PTPRK: variants seen among roughly 807,000 people sequenced by gnomAD.
The protein encoded by PTPRK is protein tyrosine phosphatase receptor type K.
In PTPRK, 75 loss-of-function variants were observed where a neutral mutation model predicts 178.0. The ratio of observed to expected loss-of-function variants is 0.42; its 90% confidence interval spans 0.35 to 0.51. PTPRK has a LOEUF of 0.51. Ranked by LOEUF, PTPRK falls within the 20% of genes least tolerant of loss-of-function variation. The pLI, the probability that PTPRK is intolerant of heterozygous loss-of-function variation, is 0.02. For missense variants in PTPRK, 1,441 were observed against 1,797.8 expected (o/e 0.80, Z 3.59); for synonymous variants, 637 against 620.6 (o/e 1.03, Z -0.39).
chr6:128,155,800 T>G (rs1797869596), intron 7 of PTPRK, among the ~76,000 whole-genome samples: 1 of 151,852 alleles, frequency 6.6e-6, no homozygotes, highest in Non-Finnish European at 1.5e-5. Flanking sequence ...TTCCTTATTT[T>G]CTAGTGTTAT....
chr6:128,016,395 C>T (rs751148516), intron 13 of PTPRK, among the ~76,000 whole-genome samples: 1 of 151,814 alleles, frequency 6.6e-6, no homozygotes, highest in Non-Finnish European at 1.5e-5. Flanking sequence ...TGTCCCTTAT[C>T]TTCGGAAAGA....
intron 14 of PTPRK, chr6:128,008,007 G>A (rs748626441): frequency 1.3e-5 from 16 of 1,263,026 alleles, no homozygotes; most frequent in East Asian, 4.9e-5. Flanking sequence ...GGGAAAGCAC[G>A]TATGTAGCTA....
At chr6:128,501,293 T>C (rs1303821896) in intron 1 of PTPRK, 2 of 152,124 alleles carry the variant, frequency 1.3e-5, no homozygotes, top group South Asian at 4.1e-4. Context: ...ATATAAGATA[T>C]ACAAAGAGAA....
At chr6:128,332,718 A>T (rs1383328538) in intron 2 of PTPRK, among the ~76,000 whole-genome samples, 1 of 151,828 alleles carries the variant, frequency 6.6e-6, no homozygotes, top group Non-Finnish European at 1.5e-5. Flanking sequence ...TCCCTTCACA[A>T]CTCTACCTAT....
At chr6:128,035,699 G>A (rs192834609) in intron 13 of PTPRK, among the ~76,000 whole-genome samples, 240 of 152,304 alleles carry the variant, frequency 1.6e-3, no homozygotes, top group African/African-American at 5.4e-3. Context: ...GATATTGAAG[G>A]TAAAGTTCTA....
At chr6:128,342,600 TC>T (rs1235474733) in intron 2 of PTPRK, among the ~76,000 whole-genome samples, 1 of 151,998 alleles carries the variant, frequency 6.6e-6, no homozygotes, top group African/African-American at 2.4e-5. Flanking sequence ...TATACCTCTG[TC>T]CCATCACCAC....
chr6:128,246,027 A>G (rs1488975015), intron 3 of PTPRK, among the ~76,000 whole-genome samples: 1 of 152,234 alleles, frequency 6.6e-6, no homozygotes, highest in African/African-American at 2.4e-5. Flanking sequence ...AGCAGCATAT[A>G]GAAAGGTGCT....
intron 3 of PTPRK, among the ~76,000 whole-genome samples, chr6:128,244,692 C>T (rs1208852791): frequency 1.3e-5 from 2 of 152,114 alleles, no homozygotes; most frequent in Non-Finnish European, 2.9e-5. Flanking sequence ...GAGTATCTGC[C>T]AATTCTGAGA....
At chr6:128,031,904 TG>T (rs1775401861) in intron 13 of PTPRK, among the ~76,000 whole-genome samples, 1 of 152,132 alleles carries the variant, frequency 6.6e-6, no homozygotes, top group Non-Finnish European at 1.5e-5. Flanking sequence ...CTCAATCTCA[TG>T]TCCTGTCTTT....
intron 1 of PTPRK, among the ~76,000 whole-genome samples, chr6:128,433,826 GTT>G (rs563277558): frequency 9.3e-5 from 12 of 129,330 alleles, no homozygotes; most frequent in Non-Finnish European, 1.7e-4. Flanking sequence ...CTCTAACACT[GTT>G]TTTTTTTTTT....
chr6:128,426,962 A>C (rs1288290637), intron 1 of PTPRK, among the ~76,000 whole-genome samples: 1 of 152,204 alleles, frequency 6.6e-6, no homozygotes, highest in Non-Finnish European at 1.5e-5. Flanking sequence ...CACAGCCAAC[A>C]CTGCAACTGG....
At chr6:128,013,195 G>A (rs1423707887) in intron 13 of PTPRK, among the ~76,000 whole-genome samples, 1 of 151,250 alleles carries the variant, frequency 6.6e-6, no homozygotes, top group East Asian at 1.9e-4. Context: ...AGTTTTCTGA[G>A]GACTCTGGTC....
At chr6:128,281,557 C>T (rs1213192573) in intron 3 of PTPRK, among the ~76,000 whole-genome samples, 1 of 152,112 alleles carries the variant, frequency 6.6e-6, no homozygotes, top group Non-Finnish European at 1.5e-5. Context: ...TCCAAGAACA[C>T]CCCTATGCCT....
rs557117474 is a variant in PTPRK at position 128,150,751 on chromosome 6, AT to A, written c.1162+33680del. On this transcript the variant is annotated intron_variant, in intron 7 of 29. Transcript: ENST00000368226. The stretch of plus-strand genomic sequence containing the variant: ...TACTGAAGAAGGGAAGGGCAACGCT[AT>A]GAAAAAGACAGATTTAATGTCAAAT... Among the ~76,000 whole-genome samples the A allele has an allele frequency of 9.2e-5, 14 of 152,266 alleles. No individual in the cohort carries two copies. The East Asian group carries it at 2.5e-3, about 27-fold the overall frequency.
chr6:127,983,455 T>A lies in PTPRK; in HGVS notation c.3252-78A>T, dbSNP rs897850486. On this transcript the variant is annotated intron_variant, in intron 22 of 29. Coordinates refer to ENST00000368226, the MANE Select transcript of PTPRK (RefSeq NM_002844.4). ...CCTTAAATAAGGACTTTTTCCACTGTCAGATAGGTAGAATCAAATTGATTT... is the reference window on the plus strand; with the variant it reads ...CCTTAAATAAGGACTTTTTCCACTGACAGATAGGTAGAATCAAATTGATTT... 3.4e-6 allele frequency: 5 copies of A among 1,463,964 alleles called. No individual in the cohort carries two copies. The African/African-American group carries it at 7.0e-5, about 21-fold the overall frequency. 90.7% of individuals were successfully genotyped at this position (1,463,964 alleles called of 1,614,324 possible). A position where few individuals can be genotyped will look rare whatever the true frequency, so the allele number is the denominator to read the frequency against.
chr6:128,414,348 G>A lies in PTPRK; in HGVS notation c.101-16660C>T, dbSNP rs377561720. Among the ~76,000 whole-genome samples the A allele has an allele frequency of 4.7e-4, 72 of 152,194 alleles. No homozygotes were observed. In the South Asian group the frequency reaches 0.015, roughly 31 times the overall value. ...GTAAATGATGAGCGTCTCCATCGCG[G>A]GACCCCTTCTTCCTAGTGCGGCAGT... On this transcript the variant is annotated intron_variant, in intron 1 of 29. Transcript: ENST00000368226.
At chr6:128,288,859 G>A (rs557920567) in intron 3 of PTPRK, among the ~76,000 whole-genome samples, 1 of 151,946 alleles carries the variant, frequency 6.6e-6, no homozygotes, top group Non-Finnish European at 1.5e-5. Flanking sequence ...TACCACTTTA[G>A]CACTTTTAAA....
intron 1 of PTPRK, among the ~76,000 whole-genome samples, chr6:128,473,809 A>G: frequency 6.6e-6 from 1 of 152,084 alleles, no homozygotes; most frequent in Non-Finnish European, 1.5e-5. Context: ...TAAAGCTACT[A>G]CTGGGTTAAA....
intron 3 of PTPRK, among the ~76,000 whole-genome samples, chr6:128,268,417 C>A (rs1035969538): frequency 3.3e-5 from 5 of 151,830 alleles, no homozygotes; most frequent in Non-Finnish European, 7.4e-5. Flanking sequence ...ACATAAAATG[C>A]AGAAAAAGTG....
Sources: gnomAD v4.1 joint callset for allele counts (sites outside exome capture counted in the v4.1 genomes callset) on GRCh38, gnomAD v4.1.1 for gene constraint, MANE v1.5 for transcripts, NCBI Gene and HGNC (gene_info 2026-07-23, HGNC 2026-07-21) for gene names.